LRP1B: variants seen among roughly 807,000 people sequenced by gnomAD.
LRP1B encodes LDL receptor related protein 1B.
Under a neutral mutation model 556.6 loss-of-function variants are expected in LRP1B, and 217 were observed. The observed-to-expected ratio is 0.39, with a 90% CI of 0.35 to 0.44. The LOEUF is 0.44. Ranked by LOEUF, LRP1B falls within the 20% of genes least tolerant of loss-of-function variation. The probability of loss-of-function intolerance (pLI) is 1.00; values close to 1 mark genes in which losing one functional copy is unlikely to be tolerated. For synonymous variants in LRP1B, 2,047 were observed against 1,865.8 expected (o/e 1.10, Z -2.50); for missense variants, 5,053 against 5,620.8 (o/e 0.90, Z 3.23).
chr2:141,075,373 T>G (rs1045772190), intron 7 of LRP1B, among the ~76,000 whole-genome samples: 2 of 152,180 alleles, frequency 1.3e-5, no homozygotes, highest in Admixed American at 6.5e-5. Flanking sequence ...TTTAACTTAG[T>G]GTTCTTTCAT....
chr2:140,319,314 T>C (rs1197597335), intron 82 of LRP1B, among the ~76,000 whole-genome samples: 3 of 152,110 alleles, frequency 2.0e-5, no homozygotes, highest in Non-Finnish European at 2.9e-5. Context: ...GGTAGCATTA[T>C]TAGTTTATTT....
chr2:140,721,078 T>C (rs1332967286), intron 35 of LRP1B, among the ~76,000 whole-genome samples: 1 of 152,132 alleles, frequency 6.6e-6, no homozygotes, highest in African/African-American at 2.4e-5. Flanking sequence ...CATCTATGTA[T>C]TTAAATAACA....
At chr2:141,689,017 T>C (rs576818424) in intron 2 of LRP1B, among the ~76,000 whole-genome samples, 4 of 151,978 alleles carry the variant, frequency 2.6e-5, no homozygotes, top group South Asian at 4.1e-4. Context: ...CAGAATCTAC[T>C]GCAGATGCTA....
chr2:141,966,040 C>T (rs1701556815), intron 1 of LRP1B, among the ~76,000 whole-genome samples: 1 of 151,746 alleles, frequency 6.6e-6, no homozygotes, highest in Non-Finnish European at 1.5e-5. Context: ...ATCCAACTCC[C>T]ATCTACTGAG....
At chr2:141,377,799 T>G (rs2104880452) in intron 3 of LRP1B, among the ~76,000 whole-genome samples, 1 of 152,266 alleles carries the variant, frequency 6.6e-6, no homozygotes, top group East Asian at 1.9e-4. Context: ...GAATTGCATT[T>G]TAGTATTACC....
chr2:142,027,299 G>A (rs1472821437), intron 1 of LRP1B, among the ~76,000 whole-genome samples: 1 of 149,894 alleles, frequency 6.7e-6, no homozygotes, highest in Non-Finnish European at 1.5e-5. Flanking sequence ...GATTTTTAGA[G>A]GTTGTTTTTT....
intron 2 of LRP1B, among the ~76,000 whole-genome samples, chr2:141,573,467 C>T (rs1040908643): frequency 6.6e-6 from 1 of 151,958 alleles, no homozygotes; most frequent in Admixed American, 6.6e-5. Flanking sequence ...AAATTTATAG[C>T]ACTAAATGCT....
intron 1 of LRP1B, among the ~76,000 whole-genome samples, chr2:141,952,526 G>T: frequency 6.6e-6 from 1 of 152,052 alleles, no homozygotes; most frequent in Non-Finnish European, 1.5e-5. Flanking sequence ...TTGAACATAG[G>T]TACTGCTTCT....
At chr2:140,495,357 A>T (rs1027807594) in intron 56 of LRP1B, among the ~76,000 whole-genome samples, 5 of 150,622 alleles carry the variant, frequency 3.3e-5, no homozygotes, top group African/African-American at 1.2e-4. Flanking sequence ...TCTAGAAAAC[A>T]CTCAATAATT....
intron 86 of LRP1B, among the ~76,000 whole-genome samples, chr2:140,264,714 G>A (rs1365275761): frequency 1.5e-5 from 1 of 66,074 alleles, no homozygotes; most frequent in African/African-American, 6.6e-5. Context: ...GTGTGTGTGT[G>A]TGTGTGTGTG....
At chr2:140,883,722 T>A in intron 25 of LRP1B, 95 bp downstream of exon 25, 3 of 539,236 alleles carry the variant, frequency 5.6e-6, no homozygotes, top group Non-Finnish European at 8.6e-6. Flanking sequence ...AAATAACCAC[T>A]TTGACTCATA....
chr2:141,672,163 G>T (rs756004576), intron 2 of LRP1B, among the ~76,000 whole-genome samples: 1 of 152,038 alleles, frequency 6.6e-6, no homozygotes, highest in Non-Finnish European at 1.5e-5. Flanking sequence ...AATTTTCAAG[G>T]TTCCAAGTGT....
chr2:140,926,060 T>TA (rs58070533), intron 20 of LRP1B, among the ~76,000 whole-genome samples: 2 of 146,806 alleles, frequency 1.4e-5, no homozygotes, highest in Admixed American at 1.4e-4. Flanking sequence ...GATTTTCTTT[T>TA]TTTTTTTTTT....
At chr2:141,027,890 T>A (rs545071034) in intron 11 of LRP1B, among the ~76,000 whole-genome samples, 1 of 152,242 alleles carries the variant, frequency 6.6e-6, no homozygotes, top group East Asian at 1.9e-4. Flanking sequence ...ATCATCAGTC[T>A]GCAACCTGGA....
At chr2:141,960,318 A>G (rs955347108) in intron 1 of LRP1B, among the ~76,000 whole-genome samples, 1 of 151,826 alleles carries the variant, frequency 6.6e-6, no homozygotes, top group Non-Finnish European at 1.5e-5. Flanking sequence ...CCCAGCCACC[A>G]CACCAGAGAC....
At chr2:141,068,557 C>G (rs1339890823) in intron 7 of LRP1B, among the ~76,000 whole-genome samples, 1 of 71,612 alleles carries the variant, frequency 1.4e-5, no homozygotes, top group African/African-American at 5.1e-5. Flanking sequence ...ATGTGGTTGG[C>G]AAAAAAAAAA....
chr2:140,505,397 C>G (rs1689366786), intron 53 of LRP1B, among the ~76,000 whole-genome samples: 1 of 152,192 alleles, frequency 6.6e-6, no homozygotes, highest in Non-Finnish European at 1.5e-5. Context: ...TTTCCTCTTA[C>G]TAACATTCCC....
intron 14 of LRP1B, among the ~76,000 whole-genome samples, chr2:141,006,207 C>T (rs557140199): frequency 6.6e-6 from 1 of 152,152 alleles, no homozygotes; most frequent in East Asian, 1.9e-4. Flanking sequence ...AGTGATGTTT[C>T]AGTAAACGTA....
chr2:140,926,771 T>C (rs1168414783), intron 20 of LRP1B, among the ~76,000 whole-genome samples: 1 of 152,188 alleles, frequency 6.6e-6, no homozygotes, highest in African/African-American at 2.4e-5. Flanking sequence ...TGATGCTTTT[T>C]ATTGATGTGC....
Sources: gnomAD v4.1 joint callset for allele counts (sites outside exome capture counted in the v4.1 genomes callset) on GRCh38, gnomAD v4.1.1 for gene constraint, MANE v1.5 for transcripts, NCBI Gene and HGNC (gene_info 2026-07-23, HGNC 2026-07-21) for gene names.